RORA: variants seen among roughly 807,000 people sequenced by gnomAD.
RORA encodes the protein RAR related orphan receptor A, also known as nuclear receptor ROR-alpha.
A neutral mutation model predicts 69.5 loss-of-function variants in RORA; 7 were observed. That is an observed-to-expected ratio of 0.10 (90% CI 0.06 to 0.19). The LOEUF is 0.19. RORA is among the 10% of genes least tolerant of loss of function. The probability of loss-of-function intolerance (pLI) is 1.00; values close to 1 mark genes in which losing one functional copy is unlikely to be tolerated. For missense variants in RORA, 457 were observed against 663.0 expected, an observed-to-expected ratio of 0.69 and a Z score of 3.41; for synonymous variants, 261 against 240.8, an observed-to-expected ratio of 1.08 and a Z score of -0.78.
intron 1 of RORA, among the ~76,000 whole-genome samples, chr15:61,042,477 T>A (rs782939): frequency 6.6e-6 from 1 of 152,196 alleles, no homozygotes; most frequent in Non-Finnish European, 1.5e-5. Flanking sequence ...TACGGATGTG[T>A]AGTTAAATGC....
At chr15:61,132,814 A>T (rs1417093616) in intron 1 of RORA, among the ~76,000 whole-genome samples, 1 of 152,148 alleles carries the variant, frequency 6.6e-6, no homozygotes, top group Non-Finnish European at 1.5e-5. Flanking sequence ...ATTTGGTACC[A>T]CCATTTGCTT....
chr15:60,801,098 T>C (rs1026879314), intron 1 of RORA, among the ~76,000 whole-genome samples: 7 of 152,200 alleles, frequency 4.6e-5, no homozygotes, highest in Admixed American at 3.3e-4. Context: ...GACCACAAAA[T>C]AGAGTGGCAC....
At chr15:60,934,321 C>A (rs1892457703) in intron 1 of RORA, among the ~76,000 whole-genome samples, 1 of 152,104 alleles carries the variant, frequency 6.6e-6, no homozygotes, top group African/African-American at 2.4e-5. Flanking sequence ...CACTTTCCTT[C>A]AAGAGACTAG....
chr15:61,088,839 C>G (rs1388445112), intron 1 of RORA, among the ~76,000 whole-genome samples: 6 of 152,134 alleles, frequency 3.9e-5, no homozygotes. Flanking sequence ...ATGGAAGAAG[C>G]CATTTAAAAG....
intron 1 of RORA, among the ~76,000 whole-genome samples, chr15:61,129,305 T>C (rs1257744804): frequency 6.6e-6 from 1 of 152,176 alleles, no homozygotes; most frequent in Non-Finnish European, 1.5e-5. Context: ...AATGGCAATG[T>C]TTTCTTGAAA....
chr15:61,102,158 T>C (rs1037521247), intron 1 of RORA, among the ~76,000 whole-genome samples: 3 of 152,114 alleles, frequency 2.0e-5, no homozygotes, highest in African/African-American at 4.8e-5. Flanking sequence ...CTGAGGAAAG[T>C]GGATGCTTGA....
intron 1 of RORA, among the ~76,000 whole-genome samples, chr15:61,073,666 G>A (rs1165371314): frequency 6.6e-6 from 1 of 152,142 alleles, no homozygotes; most frequent in East Asian, 1.9e-4. Flanking sequence ...TTAAAGTAAG[G>A]TAACCATTAA....
intron 1 of RORA, among the ~76,000 whole-genome samples, chr15:61,101,728 G>T (rs943807987): frequency 6.6e-6 from 1 of 152,012 alleles, no homozygotes; most frequent in Non-Finnish European, 1.5e-5. Flanking sequence ...ATTTCCGAAA[G>T]GACATTCTCC....
At chr15:60,899,823 T>C (rs144789110) in intron 1 of RORA, among the ~76,000 whole-genome samples, 5 of 152,224 alleles carry the variant, frequency 3.3e-5, no homozygotes, top group East Asian at 1.9e-4. Flanking sequence ...ATATCCATTA[T>C]ACAAATGTCA....
chr15:60,779,023 C>G (rs1247715262), intron 1 of RORA, among the ~76,000 whole-genome samples: 5 of 152,074 alleles, frequency 3.3e-5, no homozygotes, highest in Non-Finnish European at 5.9e-5. Flanking sequence ...ATTAATTAAT[C>G]AATTCCTCCT....
chr15:61,044,409 A>G (rs1046522372), intron 1 of RORA, among the ~76,000 whole-genome samples: 1 of 152,164 alleles, frequency 6.6e-6, no homozygotes, highest in African/African-American at 2.4e-5. Context: ...GACCTGTGCT[A>G]ATACAGTGGC....
intron 1 of RORA, among the ~76,000 whole-genome samples, chr15:61,178,918 C>G (rs991993901): frequency 6.6e-6 from 1 of 152,190 alleles, no homozygotes. Flanking sequence ...CTATATCTAA[C>G]CCATTATTTA....
At chr15:60,929,773 T>C (rs1332608744) in intron 1 of RORA, among the ~76,000 whole-genome samples, 1 of 152,160 alleles carries the variant, frequency 6.6e-6, no homozygotes, top group Non-Finnish European at 1.5e-5. Flanking sequence ...GTTTGCATAA[T>C]AGCCATCTGG....
intron 1 of RORA, among the ~76,000 whole-genome samples, chr15:60,918,834 C>G (rs1891954438): frequency 6.6e-6 from 1 of 152,110 alleles, no homozygotes; most frequent in Non-Finnish European, 1.5e-5. Flanking sequence ...CCAGGCTAGT[C>G]TTCAGGTCTG....
intron 1 of RORA, among the ~76,000 whole-genome samples, chr15:61,216,115 T>C (rs2080038437): frequency 6.6e-6 from 1 of 152,200 alleles, no homozygotes; most frequent in South Asian, 2.1e-4. Flanking sequence ...CTCTACTCCT[T>C]GAATACTTTG....
At chr15:61,016,581 G>A (rs951989869) in intron 1 of RORA, among the ~76,000 whole-genome samples, 1 of 152,170 alleles carries the variant, frequency 6.6e-6, no homozygotes, top group African/African-American at 2.4e-5. Context: ...TCCTTGGAAG[G>A]AGTGTGTTCT....
At chr15:61,150,026 T>C (rs2079384498) in intron 1 of RORA, among the ~76,000 whole-genome samples, 1 of 152,186 alleles carries the variant, frequency 6.6e-6, no homozygotes, top group Admixed American at 6.5e-5. Context: ...TCCAATGTCA[T>C]ATGGTTTTTA....
chr15:60,657,151 T>C (rs573924494), intron 2 of RORA, among the ~76,000 whole-genome samples: 1 of 152,278 alleles, frequency 6.6e-6, no homozygotes, highest in East Asian at 1.9e-4. Context: ...TGTCTTCAGA[T>C]TGCCAGGTTG....
chr15:60,996,850 C>G (rs962788263), intron 1 of RORA, among the ~76,000 whole-genome samples: 2 of 151,734 alleles, frequency 1.3e-5, no homozygotes, highest in Admixed American at 6.6e-5. Flanking sequence ...GCGGAGCTTG[C>G]AGTGAGTGGA....
Sources: gnomAD v4.1 joint callset for allele counts (sites outside exome capture counted in the v4.1 genomes callset) on GRCh38, gnomAD v4.1.1 for gene constraint, MANE v1.5 for transcripts, NCBI Gene and HGNC (gene_info 2026-07-23, HGNC 2026-07-21) for gene names.